Variants in TEK observed in about 807,000 individuals in gnomAD.
TEK encodes the protein angiopoietin-1 receptor.
TEK carries 43 observed loss-of-function variants against 131.8 expected under a neutral mutation model. The ratio of observed to expected loss-of-function variants is 0.33; its 90% CI spans 0.26 to 0.42. The LOEUF is 0.42. TEK is among the 10% of genes least tolerant of loss of function. The probability of loss-of-function intolerance (pLI) is 1.00; values close to 1 mark genes in which losing one functional copy is unlikely to be tolerated. For missense variants in TEK, 1,162 were observed against 1,384.4 expected, an observed-to-expected ratio of 0.84 and a Z score of 2.55; for synonymous variants, 580 against 491.6, an observed-to-expected ratio of 1.18 and a Z score of -2.38.
rs1009409965 is a variant in TEK at position 27,137,128 on chromosome 9, A to G, written c.53-20703A>G. ...AGACGGGGTTTCACCATGTTCCCCA[A>G]GATGGTGTCGATCTCTTAACCTCAG... On this transcript the variant is annotated intron_variant, in intron 1 of 22. Transcript: ENST00000380036. 3.3e-5 allele frequency among the ~76,000 whole-genome samples: 5 copies of G among 152,090 alleles called. 1 individual carries two copies. Among genetic ancestry groups the G allele is most frequent in the African/African-American group, 7.2e-5 (3 of 41,410 alleles).
rs752175086 is a variant in TEK, at chr9:27,222,820, C to A, written c.3200+2675C>A. ...CTGCATCAACTAATGGGAAAAATAACCAGCTAGTGCAGCATAATGACAGGA... is the reference window on the plus strand; with the variant it reads ...CTGCATCAACTAATGGGAAAAATAAACAGCTAGTGCAGCATAATGACAGGA... On this transcript the variant is annotated intron_variant, in intron 21 of 22. Transcript: ENST00000380036. Among the ~76,000 whole-genome samples the A allele has an allele frequency of 2.6e-5, 4 of 152,068 alleles. No homozygotes were observed. In the East Asian group the frequency reaches 5.8e-4, roughly 22 times the overall value.
intron 21 of TEK, among the ~76,000 whole-genome samples, chr9:27,225,989 A>G (rs1826308908): frequency 6.6e-6 from 1 of 152,240 alleles, no homozygotes; most frequent in African/African-American, 2.4e-5. Context: ...AAAGCTCATC[A>G]TCACTGGTCA....
chr9:27,174,897 C>T (rs1824104507), intron 6 of TEK, among the ~76,000 whole-genome samples: 1 of 151,922 alleles, frequency 6.6e-6, no homozygotes, highest in Admixed American at 6.6e-5. Context: ...CGGTGCATGC[C>T]AGCAGTCTCT....
intron 21 of TEK, among the ~76,000 whole-genome samples, chr9:27,227,328 A>G (rs1025638053): frequency 9.2e-5 from 14 of 152,184 alleles, no homozygotes; most frequent in African/African-American, 3.4e-4. Context: ...TTCCCAAACT[A>G]TGTTTTCACG....
intron 4 of TEK, among the ~76,000 whole-genome samples, chr9:27,170,263 C>T (rs1346125219): frequency 6.6e-6 from 1 of 152,128 alleles, no homozygotes; most frequent in African/African-American, 2.4e-5. Context: ...ATGGGAACTA[C>T]AATTCAAGAT....
chr9:27,209,294 G>A (rs895881129), intron 16 of TEK, 63 bp downstream of exon 16: 3 of 1,151,268 alleles, frequency 2.6e-6, no homozygotes, highest in Admixed American at 1.7e-5. Context: ...ATTCCATATG[G>A]ATATAAGGAA....
At chr9:27,220,260 CA>C in intron 21 of TEK, 115 bp downstream of exon 21, 1 of 867,368 alleles carries the variant, frequency 1.2e-6, no homozygotes, top group Non-Finnish European at 1.9e-6. Context: ...CACCTACACA[CA>C]GAGATCCCAA....
Position 27,202,804 on chromosome 9 carries a change from T to C in TEK, c.1910-16T>C. On this transcript the variant is annotated splice_polypyrimidine_tract_variant and intron_variant, in intron 12 of 22. Coordinates refer to ENST00000380036, the MANE Select transcript of TEK (RefSeq NM_000459.5). ...TAGTATATCTTAAGTGAATCTTTTTTCTTTTTAATTTCTAGTTCTTCCTCC... is the reference window on the plus strand; with the variant it reads ...TAGTATATCTTAAGTGAATCTTTTTCCTTTTTAATTTCTAGTTCTTCCTCC... 6.2e-7 allele frequency: 1 copy of C among 1,612,826 alleles called. No homozygotes were observed. Among genetic ancestry groups the C allele is most frequent in the Non-Finnish European group, 8.5e-7 (1 of 1,178,892 alleles).
chr9:27,127,764 A>C (rs1189533762), intron 1 of TEK, among the ~76,000 whole-genome samples: 1 of 152,226 alleles, frequency 6.6e-6, no homozygotes, highest in African/African-American at 2.4e-5. Context: ...TGTTGGCTGC[A>C]TAAATGTCTT....
At chr9:27,200,901 T>C (rs752840256) in intron 12 of TEK, among the ~76,000 whole-genome samples, 1 of 152,154 alleles carries the variant, frequency 6.6e-6, no homozygotes, top group Non-Finnish European at 1.5e-5. Context: ...GTAAGTGACT[T>C]GCCCAAAATT....
intron 1 of TEK, among the ~76,000 whole-genome samples, chr9:27,115,775 G>GGGGT (rs969316069): frequency 4.7e-4 from 71 of 152,272 alleles, no homozygotes; most frequent in African/African-American, 1.3e-3. Context: ...CTATACAAAG[G>GGGGT]GGGTGTGTAT....
At chr9:27,193,988 T>C (rs1360249524) in intron 11 of TEK, among the ~76,000 whole-genome samples, 2 of 152,106 alleles carry the variant, frequency 1.3e-5, no homozygotes, top group Admixed American at 1.3e-4. Context: ...AAATTTTTTT[T>C]GTAGAGACGG....
intron 1 of TEK, among the ~76,000 whole-genome samples, chr9:27,113,354 G>A (rs1821420980): frequency 2.0e-5 from 3 of 152,158 alleles, no homozygotes; most frequent in African/African-American, 7.2e-5. Context: ...ACTTTGGGAG[G>A]CCCAGGCAGG....
At chr9:27,220,024 T>C in intron 20 of TEK, 25 bp from the exon 21 acceptor site, 1 of 1,611,614 alleles carries the variant, frequency 6.2e-7, no homozygotes, top group African/African-American at 1.3e-5. Context: ...AGAGAGGACT[T>C]AGAGTGGCAC....
At chr9:27,140,551 A>T (rs1484629245) in intron 1 of TEK, among the ~76,000 whole-genome samples, 1 of 152,110 alleles carries the variant, frequency 6.6e-6, no homozygotes, top group African/African-American at 2.4e-5. Context: ...GATTGCACTG[A>T]TCTTTGTAAC....
At chr9:27,143,108 C>T (rs1331715986) in intron 1 of TEK, among the ~76,000 whole-genome samples, 1 of 152,188 alleles carries the variant, frequency 6.6e-6, no homozygotes. Context: ...AGCTGGGCTT[C>T]TGTTTCTTTA....
At chr9:27,179,142 C>A (rs138325155) in intron 6 of TEK, among the ~76,000 whole-genome samples, 474 of 152,232 alleles carry the variant, frequency 3.1e-3, no homozygotes, top group African/African-American at 0.01. Flanking sequence ...TTTTTTCCAA[C>A]CTTTTTCCTA....
intron 1 of TEK, among the ~76,000 whole-genome samples, chr9:27,112,997 A>G (rs976380258): frequency 6.6e-6 from 1 of 152,214 alleles, no homozygotes; most frequent in Non-Finnish European, 1.5e-5. Context: ...TTGTATTAGC[A>G]GAAATATGAA....
intron 9 of TEK, among the ~76,000 whole-genome samples, chr9:27,185,966 A>G (rs547246131): frequency 6.6e-6 from 1 of 152,314 alleles, no homozygotes; most frequent in East Asian, 1.9e-4. Context: ...TGTTAAACAC[A>G]TACAATACTT....
Sources: allele counts gnomAD v4.1 joint callset (sites outside exome capture counted in the v4.1 genomes callset), GRCh38; gene constraint gnomAD v4.1.1; transcripts MANE v1.5; gene names NCBI Gene and HGNC (gene_info 2026-07-23, HGNC 2026-07-21).